MYH14: variants seen among roughly 807,000 people sequenced by gnomAD.
The protein encoded by MYH14 is myosin heavy chain 14, also known as myosin-14.
In MYH14, 123 loss-of-function variants were observed where a neutral mutation model predicts 255.5. The observed-to-expected ratio is 0.48, with a 90% CI of 0.42 to 0.56. The LOEUF is 0.56. Among genes scored for constraint, MYH14 ranks in the 20% least tolerant of loss-of-function variants. MYH14 has a pLI of 0.00. For missense variants in MYH14, 2,423 were observed against 2,802.3 expected (o/e 0.86, Z 3.06); for synonymous variants, 1,095 against 1,161.2 (o/e 0.94, Z 1.16).
chr19:50,206,414 G>A (rs2031754784), intron 1 of MYH14, among the ~76,000 whole-genome samples: 1 of 151,652 alleles, frequency 6.6e-6, no homozygotes, highest in African/African-American at 2.4e-5. Flanking sequence ...TGGATGGGGT[G>A]GGGTGGGGTG....
chr19:50,224,309 A>C, intron 6 of MYH14, 132 bp downstream of exon 6: 1 of 1,187,772 alleles, frequency 8.4e-7, no homozygotes, highest in Non-Finnish European at 1.3e-6. Context: ...CTGCCCCACC[A>C]CTGCTATTCA....
rs769481390 is a variant in MYH14 at position 50,292,349 on chromosome 19, G to A, written c.5216G>A (p.Arg1739His). 26 of 1,591,472 alleles carry A rather than the reference G, an allele frequency of 1.6e-5. No homozygotes were observed. In the East Asian group the frequency reaches 2.5e-4, roughly 15 times the overall value. The change falls in exon 37 of 43, where the codon CGC becomes CAC. Residue 1739 changes from arginine (R) to histidine (H), a missense_variant. By Grantham distance (29) the Arg-to-His change is conservative. Transcript: ENST00000642316. ...TCCCAGAATCGGGAAAGTGAAAAGC[G>A]CCTCAAGGGCCTGGAGGCTGAGGTG... ...IFSQNRESEK[R>H]LKGLEAEVLR...
rs727503224 is a variant in MYH14, at chr19:50,281,673, G to A, written c.4370G>A (p.Arg1457Gln). The change falls in exon 33 of 43, where the codon CGG becomes CAG. Residue 1457 changes from arginine (R) to glutamine (Q), a missense_variant. Arg to Gln is a conservative substitution (Grantham distance 43). Coordinates refer to ENST00000642316, the MANE Select transcript of MYH14 (RefSeq NM_001145809.2). ...AGEEARRRAA[R>Q]EAEALTQRLA... ...GAGGAGGCACGGCGCCGGGCAGCCC[G>A]GGAGGCCGAGGCCCTGACCCAGCGC... The A allele has an allele frequency of 1.7e-5, 27 of 1,610,332 alleles. No individual in the cohort carries two copies. In the Middle Eastern group the frequency reaches 5.2e-4, roughly 31 times the overall value.
intron 35 of MYH14, 100 bp from the exon 36 acceptor site, chr19:50,290,787 G>A: frequency 7.8e-7 from 1 of 1,289,252 alleles, no homozygotes; most frequent in Non-Finnish European, 1.1e-6. Context: ...GGGGCTTGCA[G>A]CCTGGGCAGG....
intron 10 of MYH14, among the ~76,000 whole-genome samples, chr19:50,235,950 T>G (rs1224889520): frequency 1.3e-5 from 2 of 152,140 alleles, no homozygotes; most frequent in Admixed American, 6.6e-5. Context: ...AAGGTTTTAT[T>G]GTTTAAATAA....
intron 40 of MYH14, among the ~76,000 whole-genome samples, chr19:50,304,125 C>T (rs1421754887): frequency 6.6e-6 from 1 of 152,156 alleles, no homozygotes; most frequent in Non-Finnish European, 1.5e-5. Context: ...CATTGTTATC[C>T]TATTTTGCAT....
chr19:50,218,844 G>A (rs1366456774), intron 3 of MYH14, among the ~76,000 whole-genome samples: 1 of 151,680 alleles, frequency 6.6e-6, no homozygotes, highest in Non-Finnish European at 1.5e-5. Flanking sequence ...CCACTTACAA[G>A]TGAGAACATA....
intron 10 of MYH14, among the ~76,000 whole-genome samples, chr19:50,243,576 T>TA (rs752750097): frequency 5.8e-4 from 88 of 152,314 alleles, no homozygotes; most frequent in Middle Eastern, 3.4e-3. Context: ...TGCAGTGAGC[T>TA]ATGATCGTGC....
At chr19:50,264,973 G>C (rs2035027971) in intron 22 of MYH14, among the ~76,000 whole-genome samples, 1 of 152,198 alleles carries the variant, frequency 6.6e-6, no homozygotes, top group African/African-American at 2.4e-5. Context: ...TACGATGTCT[G>C]AGAGATCAGC....
At position 50,263,369 on chromosome 19, in the gene MYH14, C is replaced by T. The variant is rs1227973971; in HGVS notation, c.2643C>T (p.Cys881=). ...CCCTGAGGGTGATGCAGCGGAACTG[C>T]GCGGCCTACCTCAAGCTGAGACACT... ...QSALRVMQRN[C]AAYLKLRHWQ... is the part of the protein sequence containing the mutation. Residue 881 remains cysteine (C), a synonymous_variant, in exon 22 of 43, where the codon TGC becomes TGT. Transcript: ENST00000642316. 8.1e-6 allele frequency: 13 copies of T among 1,602,538 alleles called. No individual in the cohort carries two copies. In the African/African-American group the frequency reaches 1.1e-4, roughly 13 times the overall value.
At chr19:50,214,816 G>C (rs913896626) in intron 2 of MYH14, among the ~76,000 whole-genome samples, 36 of 152,148 alleles carry the variant, frequency 2.4e-4, no homozygotes, top group African/African-American at 8.2e-4. Context: ...AGTTAGCCTA[G>C]GGCTCCCAGG....
intron 2 of MYH14, among the ~76,000 whole-genome samples, chr19:50,212,886 C>T (rs140589069): frequency 4.1e-4 from 63 of 152,316 alleles, no homozygotes; most frequent in African/African-American, 1.3e-3. Flanking sequence ...CACTCCCCCA[C>T]ATCTCACCCA....
At chr19:50,296,557 G>A (rs2036272831) in intron 39 of MYH14, among the ~76,000 whole-genome samples, 1 of 151,688 alleles carries the variant, frequency 6.6e-6, no homozygotes, top group South Asian at 2.1e-4. Flanking sequence ...TAGTGAGCCA[G>A]AATTGTGCCA....
At chr19:50,232,385 A>C (rs1345773664) in intron 10 of MYH14, among the ~76,000 whole-genome samples, 3 of 152,142 alleles carry the variant, frequency 2.0e-5, no homozygotes, top group African/African-American at 7.2e-5. Context: ...TGAGGTCAGG[A>C]GTTCAAGACC....
At chr19:50,255,391 G>A in intron 17 of MYH14, 73 bp downstream of exon 17, 1 of 1,126,510 alleles carries the variant, frequency 8.9e-7, no homozygotes, top group South Asian at 1.3e-5. Flanking sequence ...TGGGGACCTG[G>A]TTTTGAACAT....
At chr19:50,209,548 G>T (rs1191889556) in intron 1 of MYH14, among the ~76,000 whole-genome samples, 1 of 152,170 alleles carries the variant, frequency 6.6e-6, no homozygotes, top group Non-Finnish European at 1.5e-5. Context: ...ACTTTGGGAG[G>T]CCGAGGCGGG....
At position 50,252,778 on chromosome 19, in the gene MYH14, G is replaced by A. The variant is rs985811795; in HGVS notation, c.1945+25G>A. The A allele has an allele frequency of 1.5e-5, 22 of 1,469,328 alleles. No individual in the cohort carries two copies. The highest frequency in any genetic ancestry group is 1.7e-4 in the Middle Eastern group (1 of 5,832). 91.0% of individuals were successfully genotyped at this position (1,469,328 alleles called of 1,614,324 possible). On this transcript the variant is annotated intron_variant, in intron 16 of 42. Transcript: ENST00000642316. The surrounding 1 kb of genome is among the most constrained non-coding windows in gnomAD (Gnocchi z 4.2). ...GGTGAGGACCCACTTCCCCCACCCC[G>A]GCTCTAGGGGTCTGTGCGGCCATTC...
intron 30 of MYH14, among the ~76,000 whole-genome samples, chr19:50,278,518 TAGTG>T (rs899469776): frequency 1.3e-5 from 2 of 150,854 alleles, no homozygotes; most frequent in Non-Finnish European, 3.0e-5. Context: ...CTGGGCAACA[TAGTG>T]AGACCCCATC....
At chr19:50,284,786 G>A (rs1189130091) in intron 33 of MYH14, 6 of 151,910 alleles carry the variant, frequency 3.9e-5, no homozygotes, top group African/African-American at 1.5e-4. Flanking sequence ...TGCTATCATG[G>A]CTCCATGTTA....
Sources: gnomAD v4.1 joint callset for allele counts (sites outside exome capture counted in the v4.1 genomes callset) on GRCh38, gnomAD v4.1.1 for gene constraint, Gnocchi (gnomAD v3.1) non-coding constraint, MANE v1.5 for transcripts, NCBI Gene and HGNC (gene_info 2026-07-23, HGNC 2026-07-21) for gene names.